The following ANKS1A variants were observed in gnomAD, a reference collection of about 807,000 sequenced individuals.
ANKS1A encodes ankyrin repeat and sterile alpha motif domain containing 1A.
A neutral mutation model predicts 120.3 loss-of-function variants in ANKS1A; 55 were observed. The observed-to-expected ratio is 0.46, with a 90% CI of 0.37 to 0.57. The LOEUF (loss-of-function observed/expected upper bound fraction) is 0.57. ANKS1A is among the 20% of genes least tolerant of loss of function. The pLI is 0.00. For missense variants in ANKS1A, 1,123 were observed against 1,480.3 expected, an observed-to-expected ratio of 0.76 and a Z score of 3.96; for synonymous variants, 590 against 604.7, an observed-to-expected ratio of 0.98 and a Z score of 0.36.
At chr6:34,922,773 A>C (rs1768505248) in intron 1 of ANKS1A, among the ~76,000 whole-genome samples, 1 of 148,222 alleles carries the variant, frequency 6.7e-6, no homozygotes, top group African/African-American at 2.5e-5. Flanking sequence ...AGCTCACTGC[A>C]ATCTCCACCT....
intron 11 of ANKS1A, among the ~76,000 whole-genome samples, chr6:35,034,337 G>C (rs1775050432): frequency 6.6e-6 from 1 of 152,164 alleles, no homozygotes; most frequent in Non-Finnish European, 1.5e-5. Flanking sequence ...AGACAGACTT[G>C]GAAAGTGAAT....
chr6:35,074,860 C>T lies in ANKS1A; in HGVS notation c.2185-3698C>T, dbSNP rs9469937. 3.0e-3 allele frequency among the ~76,000 whole-genome samples: 460 copies of T among 152,352 alleles called. 4 individuals are homozygous for T. The highest frequency in any genetic ancestry group is 0.01 in the African/African-American group (422 of 41,582). The stretch of plus-strand genomic sequence containing the variant: ...CCTCTGTGGGACAACGTTTATGTCA[C>T]CATGCACAGGCTCTGGGGAGACTCC... On this transcript the variant is annotated intron_variant, in intron 13 of 23. Transcript: ENST00000360359.
chr6:35,028,431 T>C (rs1774737484), intron 11 of ANKS1A, among the ~76,000 whole-genome samples: 2 of 152,348 alleles, frequency 1.3e-5, no homozygotes, highest in South Asian at 4.1e-4. Flanking sequence ...TATCTAACTG[T>C]ATGTAGAAAT....
chr6:34,967,144 C>A, intron 1 of ANKS1A, 95 bp from the exon 2 acceptor site: 1 of 1,242,396 alleles, frequency 8.0e-7, no homozygotes, highest in Admixed American at 1.8e-5. Flanking sequence ...GAACACCACA[C>A]AGAAATCTTT....
At position 34,889,494 on chromosome 6, in the gene ANKS1A, G is replaced by A; in HGVS notation, c.92G>A (p.Gly31Asp). 7.8e-7 allele frequency: 1 copy of A among 1,279,594 alleles called. No individual in the cohort carries two copies. 79.3% of individuals were successfully genotyped at this position (1,279,594 alleles called of 1,614,324 possible). A position where few individuals can be genotyped will look rare whatever the true frequency, so the allele number is the denominator to read the frequency against. Residue 31 changes from glycine (G) to aspartate (D), a missense_variant, in exon 1 of 24, where the codon GGC becomes GAC. Gly to Asp is a moderately conservative substitution (Grantham distance 94, BLOSUM62 -1). Transcript: ENST00000360359. The surrounding 1 kb of genome is among the most constrained non-coding windows in gnomAD (Gnocchi z 5.5). ...KLLSGKRLSS[G>D]FGGGGGGGSG... ...CTGTCCGGGAAGCGGCTCTCCTCAG[G>A]CTTTGGGGGCGGCGGCGGCGGTGGC...
intron 16 of ANKS1A, 27 bp downstream of exon 16, chr6:35,079,955 T>G: frequency 6.5e-7 from 1 of 1,548,564 alleles, no homozygotes; most frequent in Non-Finnish European, 8.7e-7. Flanking sequence ...CAGAAAGGAA[T>G]GTATGTTTGT....
chr6:35,048,427 C>T (rs1411766852), intron 11 of ANKS1A, among the ~76,000 whole-genome samples: 1 of 152,154 alleles, frequency 6.6e-6, no homozygotes, highest in Admixed American at 6.5e-5. Flanking sequence ...GCCCTGAGCC[C>T]GCTGGCAGAT....
At chr6:34,987,195 A>C (rs1772258400) in intron 8 of ANKS1A, among the ~76,000 whole-genome samples, 1 of 152,238 alleles carries the variant, frequency 6.6e-6, no homozygotes, top group Non-Finnish European at 1.5e-5. Flanking sequence ...CTTGGTAAAC[A>C]CAATGGATGG....
intron 10 of ANKS1A, among the ~76,000 whole-genome samples, chr6:35,007,875 C>T (rs1016321840): frequency 2.0e-5 from 3 of 152,278 alleles, no homozygotes; most frequent in East Asian, 1.9e-4. Context: ...GGGGAGGAAA[C>T]GGTTTTTAGC....
At chr6:34,969,690 A>G (rs1248927904) in intron 2 of ANKS1A, among the ~76,000 whole-genome samples, 1 of 152,248 alleles carries the variant, frequency 6.6e-6, no homozygotes, top group African/African-American at 2.4e-5. Flanking sequence ...ATGCTGTTTA[A>G]ACATGATAAA....
chr6:34,953,808 T>C (rs1231654112), intron 1 of ANKS1A, among the ~76,000 whole-genome samples: 1 of 152,182 alleles, frequency 6.6e-6, no homozygotes, highest in Non-Finnish European at 1.5e-5. Flanking sequence ...GAGCATGCAC[T>C]GTAATGATTG....
intron 10 of ANKS1A, among the ~76,000 whole-genome samples, chr6:35,000,088 C>T (rs1052402601): frequency 6.6e-6 from 1 of 152,110 alleles, no homozygotes; most frequent in Non-Finnish European, 1.5e-5. Context: ...AGGTATTCTT[C>T]GTAACCCTGT....
At chr6:34,994,815 T>G (rs1297173054) in intron 10 of ANKS1A, among the ~76,000 whole-genome samples, 1 of 152,178 alleles carries the variant, frequency 6.6e-6, no homozygotes, top group Non-Finnish European at 1.5e-5. Context: ...GACTCTGCTT[T>G]TGAGTCCTGA....
chr6:34,923,414 A>G (rs538559661), intron 1 of ANKS1A, among the ~76,000 whole-genome samples: 2 of 152,370 alleles, frequency 1.3e-5, no homozygotes, highest in South Asian at 2.1e-4. Context: ...TCTAAAGTCA[A>G]CGGAAGAACC....
At chr6:34,908,379 C>G (rs1332164664) in intron 1 of ANKS1A, among the ~76,000 whole-genome samples, 1 of 152,162 alleles carries the variant, frequency 6.6e-6, no homozygotes, top group Non-Finnish European at 1.5e-5. Context: ...AAGCGGCTAT[C>G]CAGCAGGAGT....
chr6:35,088,392 G>A (rs143916073), intron 23 of ANKS1A, among the ~76,000 whole-genome samples: 109 of 152,270 alleles, frequency 7.2e-4, no homozygotes, highest in Non-Finnish European at 1.3e-3. Context: ...TGGGTCCTGC[G>A]TACCCACCCA....
rs561796460 is a variant in ANKS1A, at chr6:34,915,977, T to C, written c.197+26378T>C. Among the ~76,000 whole-genome samples the C allele has an allele frequency of 2.7e-5, 4 of 150,056 alleles. 1 individual carries two copies. In the South Asian group the frequency reaches 8.5e-4, roughly 32 times the overall value. ...AGAATTTGGAGGTAAAGAGGCTTCA[T>C]GTCTGGATCTTTTTTTTTTTTTTTT... On this transcript the variant is annotated intron_variant, in intron 1 of 23. Coordinates refer to ENST00000360359, the MANE Select transcript of ANKS1A (RefSeq NM_015245.3).
chr6:34,916,062 G>T (rs1262598150), intron 1 of ANKS1A, among the ~76,000 whole-genome samples: 1 of 144,344 alleles, frequency 6.9e-6, no homozygotes, highest in African/African-American at 2.6e-5. Flanking sequence ...GTGCAATCTC[G>T]GCTCACTGCA....
intron 1 of ANKS1A, among the ~76,000 whole-genome samples, chr6:34,923,780 G>A (rs1768560494): frequency 6.6e-6 from 1 of 152,194 alleles, no homozygotes. Flanking sequence ...TTCAGATGGA[G>A]AGAGGAAGAT....
Sources: gnomAD v4.1 joint callset for allele counts (sites outside exome capture counted in the v4.1 genomes callset) on GRCh38, gnomAD v4.1.1 for gene constraint, Gnocchi (gnomAD v3.1) non-coding constraint, MANE v1.5 for transcripts, NCBI Gene and HGNC (gene_info 2026-07-23, HGNC 2026-07-21) for gene names.